WHAMM: variants seen among roughly 807,000 people sequenced by gnomAD.
WHAMM encodes the protein WASP homolog-associated protein with actin, membranes and microtubules.
WHAMM carries 67 observed loss-of-function variants against 76.5 expected under a neutral mutation model. The observed-to-expected ratio is 0.88, with a 90% CI of 0.72 to 1.07. The LOEUF (loss-of-function observed/expected upper bound fraction) is 1.07. WHAMM is among the 50% of genes least tolerant of loss of function. WHAMM has a pLI of 0.00. For missense variants in WHAMM, 1,021 were observed against 1,051.1 expected (o/e 0.97, Z 0.40); for synonymous variants, 419 against 422.1 (o/e 0.99, Z 0.09).
rs2050754884 is a variant in WHAMM, at chr15:82,818,006, C to G, written c.1021C>G (p.Leu341Val). 2 of 1,549,052 alleles carry G rather than the reference C, an allele frequency of 1.3e-6. No homozygotes were observed. Among genetic ancestry groups the G allele is most frequent in the Non-Finnish European group, 1.7e-6 (2 of 1,146,498 alleles). The change falls in exon 4 of 10, where the codon CTA (leucine) becomes GTA (valine). Residue 341 changes from leucine (L) to valine (V), a missense_variant. Physicochemically the swap from Leu to Val is conservative, Grantham distance 32. Around this residue, in one of 3 missense-constraint regions of WHAMM, gnomAD observed 501 missense variants for 524.9 expected, o/e 0.95. Coordinates refer to ENST00000286760, the MANE Select transcript of WHAMM (RefSeq NM_001080435.3). Reference protein sequence around the residue: ...TAIPRLEKLQLMLARETLQLM... With the variant: ...TAIPRLEKLQVMLARETLQLM... ...AATTCCCAGGTTGGAAAAACTTCAG[C>G]TAATGCTAGCTCGAGAGACTCTGCA...
chr15:82,832,880 A>G (rs12592897), intron 9 of WHAMM, among the ~76,000 whole-genome samples: 29,555 of 152,082 alleles, frequency 0.19, 4,002 homozygotes, highest in East Asian at 0.42. Context: ...GGGTGAGACT[A>G]TTCCACCCCA....
At position 82,816,763 on chromosome 15, in the gene WHAMM, C is replaced by G. The variant is rs1276497981; in HGVS notation, c.855C>G (p.Thr285=). ...TGGAGAAAGAAGCTGAAGAATGGAC[C>G]AGACGGGCTGAAGAAGCTGTCGTCT... The part of the protein sequence containing the change: ...VALEKEAEEW[T]RRAEEAVVSI... Residue 285 remains threonine (T), a synonymous_variant, in exon 3 of 10, where the codon ACC becomes ACG. Transcript: ENST00000286760. 6.4e-7 allele frequency: 1 copy of G among 1,559,608 alleles called. No homozygotes were observed. Among genetic ancestry groups the G allele is most frequent in the East Asian group, 2.4e-5 (1 of 42,188 alleles).
intron 8 of WHAMM, 112 bp from the exon 9 acceptor site, chr15:82,830,487 A>C (rs1256174939): frequency 8.1e-6 from 12 of 1,476,218 alleles, no homozygotes; most frequent in Non-Finnish European, 1.0e-5. Context: ...TCACTTTGTG[A>C]ATTAGACCAT....
chr15:82,824,087 A>G (rs1416108372), intron 6 of WHAMM, among the ~76,000 whole-genome samples: 1 of 151,610 alleles, frequency 6.6e-6, no homozygotes, highest in Non-Finnish European at 1.5e-5. Context: ...TTTCTCTGAC[A>G]GAAAAGGAAG....
intron 9 of WHAMM, among the ~76,000 whole-genome samples, chr15:82,831,288 TTC>T (rs2051029533): frequency 6.6e-6 from 1 of 152,216 alleles, no homozygotes; most frequent in African/African-American, 2.4e-5. Context: ...TAAATGTTAA[TTC>T]AGTTTGAAGA....
chr15:82,832,537 T>C (rs936205944), intron 9 of WHAMM, among the ~76,000 whole-genome samples: 1 of 152,206 alleles, frequency 6.6e-6, no homozygotes, highest in Non-Finnish European at 1.5e-5. Context: ...AGCTCTGATC[T>C]AATTGTGTTT....
chr15:82,834,996 G>A lies in WHAMM; in HGVS notation c.*1460G>A, dbSNP rs553439289. Reference sequence around the variant, plus strand: ...GCAGTCCGTTCATTTCTCAGACTGCGAGCATCCCTACTAACCTCATCACCC... The same window carrying A: ...GCAGTCCGTTCATTTCTCAGACTGCAAGCATCCCTACTAACCTCATCACCC... On this transcript the variant is annotated 3_prime_UTR_variant, in exon 10 of 10. Transcript: ENST00000286760. 183 of 152,282 alleles carry A rather than the reference G, an allele frequency of 1.2e-3. No individual in the cohort carries two copies. Among genetic ancestry groups the A allele is most frequent in the African/African-American group, 4.3e-3 (178 of 41,566 alleles). 9.4% of individuals were successfully genotyped at this position (152,282 alleles called of 1,614,324 possible).
intron 2 of WHAMM, among the ~76,000 whole-genome samples, chr15:82,813,810 C>T (rs1423238845): frequency 1.3e-5 from 2 of 151,682 alleles, no homozygotes; most frequent in African/African-American, 4.8e-5. Flanking sequence ...GTGTGTACCA[C>T]CACGCCCAGC....
chr15:82,817,206 G>T (rs140875231), intron 3 of WHAMM, among the ~76,000 whole-genome samples: 291 of 152,310 alleles, frequency 1.9e-3, no homozygotes, highest in African/African-American at 6.8e-3. Context: ...AAAAAGTGAG[G>T]AGTATTCCGG....
At position 82,833,450 on chromosome 15, in the gene WHAMM, A is replaced by G; in HGVS notation, c.2344A>G (p.Lys782Glu). The G allele has an allele frequency of 6.2e-7, 1 of 1,614,012 alleles. No homozygotes were observed. Among genetic ancestry groups the G allele is most frequent in the Non-Finnish European group, 8.5e-7 (1 of 1,179,894 alleles). Residue 782 changes from lysine (K) to glutamate (E), a missense_variant, in exon 10 of 10, where the codon AAG becomes GAG. By Grantham distance (56) the Lys-to-Glu change is moderately conservative (BLOSUM62 1). Coordinates refer to ENST00000286760, the MANE Select transcript of WHAMM (RefSeq NM_001080435.3). ...RRTSDLERSI[K>E]AALQRIKRVS... The stretch of plus-strand genomic sequence containing the variant: ...CACCAGTGACCTTGAGAGGAGCATC[A>G]AGGCTGCGCTCCAGAGAATCAAGAG...
In WHAMM at chr15:82,809,844, A is replaced by C. The variant is rs2151553582; in HGVS notation, c.118A>C (p.Lys40Gln). ...FLVAWNGAEG[K>Q]FAVTCHDRTA... Reference sequence around the variant, plus strand: ...GGTGGCCTGGAACGGCGCGGAGGGCAAGTTCGCTGTGACTTGTCACGACCG... The same window carrying C: ...GGTGGCCTGGAACGGCGCGGAGGGCCAGTTCGCTGTGACTTGTCACGACCG... The change falls in exon 1 of 10, where the codon AAG becomes CAG. Residue 40 changes from lysine to glutamine, a missense_variant. Coordinates refer to ENST00000286760, the MANE Select transcript of WHAMM (RefSeq NM_001080435.3). The C allele has an allele frequency of 1.9e-6, 3 of 1,605,304 alleles. No homozygotes were observed. The South Asian group carries it at 3.3e-5, about 18-fold the overall frequency.
Position 82,810,297 on chromosome 15 carries a change from C to G in WHAMM, c.571C>G (p.Arg191Gly). 1.5e-6 allele frequency: 2 copies of G among 1,344,060 alleles called. No individual in the cohort carries two copies. Among genetic ancestry groups the G allele is most frequent in the Non-Finnish European group, 1.9e-6 (2 of 1,053,620 alleles). 83.3% of individuals were successfully genotyped at this position (1,344,060 alleles called of 1,614,324 possible). A position where few individuals can be genotyped will look rare whatever the true frequency, so the allele number is the denominator to read the frequency against. ...GCGCGAGTTCCGGGAGCGGGCCTTG[C>G]GCGCGCGGTGGGTCGAGGCGGACGC... is the stretch of plus-strand genomic sequence containing the variant. ...SPREFRERAL[R>G]ARWVEADARL... The change falls in exon 1 of 10, where the codon CGC becomes GGC. Residue 191 changes from arginine to glycine, a missense_variant. Transcript: ENST00000286760.
intron 6 of WHAMM, 37 bp from the exon 7 acceptor site, chr15:82,826,373 T>C (rs1281274961): frequency 1.9e-6 from 3 of 1,609,090 alleles, no homozygotes; most frequent in Non-Finnish European, 8.5e-7. Flanking sequence ...CAGGGTAATA[T>C]TAAAAACCAT....
At chr15:82,817,728 T>TA (rs1163186353) in intron 3 of WHAMM, among the ~76,000 whole-genome samples, 192 bp from the exon 4 acceptor site, 1 of 152,212 alleles carries the variant, frequency 6.6e-6, no homozygotes, top group Non-Finnish European at 1.5e-5. Flanking sequence ...ACTGTCTTTT[T>TA]AAAAATGGAA....
At chr15:82,826,962 TA>T (rs998747571) in intron 8 of WHAMM, 116 bp downstream of exon 8, 4 of 1,124,536 alleles carry the variant, frequency 3.6e-6, no homozygotes, top group Non-Finnish European at 4.9e-6. Flanking sequence ...GTGAAACATT[TA>T]AAAAATACCA....
Position 82,810,179 on chromosome 15 carries a change from C to A in WHAMM, c.453C>A (p.Arg151=). Residue 151 remains arginine, a synonymous_variant, in exon 1 of 10, where the codon CGC becomes CGA. Transcript: ENST00000286760. ...ALQELCGQLE[R]YLGAAADGCG... Reference sequence around the variant, plus strand: ...AGGAGCTGTGCGGGCAGCTGGAACGCTATCTGGGCGCGGCGGCCGACGGCT... The same window carrying A: ...AGGAGCTGTGCGGGCAGCTGGAACGATATCTGGGCGCGGCGGCCGACGGCT... 7.1e-7 allele frequency: 1 copy of A among 1,404,472 alleles called. No individual in the cohort carries two copies. Among genetic ancestry groups the A allele is most frequent in the Non-Finnish European group, 9.3e-7 (1 of 1,075,312 alleles). 87.0% of individuals were successfully genotyped at this position (1,404,472 alleles called of 1,614,324 possible).
chr15:82,821,078 C>T (rs745596566), intron 5 of WHAMM, among the ~76,000 whole-genome samples: 39 of 152,012 alleles, frequency 2.6e-4, no homozygotes, highest in Non-Finnish European at 5.1e-4. Context: ...TGTATGTTTA[C>T]GAGCCATTTG....
At position 82,817,958 on chromosome 15, in the gene WHAMM, G is replaced by C; in HGVS notation, c.973G>C (p.Gly325Arg). Residue 325 changes from glycine to arginine, a missense_variant, in exon 4 of 10, where the codon GGT becomes CGT. Gly to Arg is a moderately radical substitution (Grantham distance 125, BLOSUM62 -2). Around this residue, in one of 3 missense-constraint regions of WHAMM, gnomAD observed 501 missense variants for 524.9 expected, o/e 0.95. Coordinates refer to ENST00000286760, the MANE Select transcript of WHAMM (RefSeq NM_001080435.3). Reference protein sequence around the residue: ...KEMEQDAKRFGQAAWATAIPR... With the variant: ...KEMEQDAKRFRQAAWATAIPR... ...AATGGAACAGGATGCGAAGAGATTT[G>C]GTCAGGCTGCCTGGGCCACAGCAAT... is the stretch of plus-strand genomic sequence containing the variant. The C allele has an allele frequency of 6.5e-7, 1 of 1,547,788 alleles. No individual in the cohort carries two copies. Among genetic ancestry groups the C allele is most frequent in the Non-Finnish European group, 8.7e-7 (1 of 1,145,800 alleles).
Position 82,810,332 on chromosome 15 carries a change from C to T in WHAMM, c.606C>T (p.Arg202=). The part of the protein sequence containing the change: ...ARWVEADARL[R]QVIQGHGKAN... ...GGGTCGAGGCGGACGCGCGGCTGCGCCAGGTAAGCGAGGCCCGGTCGCCGG... is the reference window on the plus strand; with the variant it reads ...GGGTCGAGGCGGACGCGCGGCTGCGTCAGGTAAGCGAGGCCCGGTCGCCGG... Residue 202 remains arginine, a synonymous_variant, in exon 1 of 10, where the codon CGC becomes CGT. Transcript: ENST00000286760. The T allele has an allele frequency of 1.5e-6, 2 of 1,312,598 alleles. No homozygotes were observed. The highest frequency in any genetic ancestry group is 9.6e-7 in the Non-Finnish European group (1 of 1,036,854). The allele number at this position is 1,312,598 out of a possible 1,614,324, so 81.3% of individuals were successfully genotyped here. A position where few individuals can be genotyped will look rare whatever the true frequency, so the allele number is the denominator to read the frequency against.
Sources: allele counts gnomAD v4.1 joint callset (sites outside exome capture counted in the v4.1 genomes callset), GRCh38; gene constraint gnomAD v4.1.1; regional missense constraint gnomAD v4.1.1; transcripts MANE v1.5; gene names NCBI Gene and HGNC (gene_info 2026-07-23, HGNC 2026-07-21).